The following MCC variants were observed in gnomAD, a reference collection of about 807,000 sequenced individuals.
The protein encoded by MCC is colorectal mutant cancer protein.
Under a neutral mutation model 116.2 loss-of-function variants are expected in MCC, and 90 were observed. The observed-to-expected ratio is 0.77, with a 90% confidence interval of 0.65 to 0.92. The LOEUF is 0.92. MCC is among the 40% of genes least tolerant of loss of function. MCC has a pLI of 0.00. For missense variants in MCC, 1,516 were observed against 1,312.2 expected, an observed-to-expected ratio of 1.16 and a Z score of -2.40; for synonymous variants, 578 against 510.5, an observed-to-expected ratio of 1.13 and a Z score of -1.78.
intron 1 of MCC, among the ~76,000 whole-genome samples, chr5:113,409,691 C>A (rs1769927651): frequency 6.6e-6 from 1 of 152,120 alleles, no homozygotes; most frequent in Non-Finnish European, 1.5e-5. Flanking sequence ...TAGGATAATT[C>A]TTACCAATTA....
intron 11 of MCC, among the ~76,000 whole-genome samples, chr5:113,072,203 G>T (rs1008968641): frequency 6.6e-6 from 1 of 152,176 alleles, no homozygotes; most frequent in East Asian, 1.9e-4. Context: ...AATGTTAAGG[G>T]GTTTGGAAGC....
intron 6 of MCC, among the ~76,000 whole-genome samples, chr5:113,105,003 C>T (rs892429530): frequency 2.6e-5 from 4 of 152,130 alleles, no homozygotes; most frequent in African/African-American, 4.8e-5. Context: ...TGCTTTGAAC[C>T]GCTGGACATC....
chr5:113,361,118 C>G (rs886568004), intron 2 of MCC, among the ~76,000 whole-genome samples: 1 of 152,126 alleles, frequency 6.6e-6, no homozygotes, highest in African/African-American at 2.4e-5. Context: ...TATTGGATTG[C>G]CTGTTTAGCA....
chr5:113,375,757 A>C (rs1370528307), intron 2 of MCC, among the ~76,000 whole-genome samples: 1 of 152,202 alleles, frequency 6.6e-6, no homozygotes, highest in Non-Finnish European at 1.5e-5. Context: ...CAAGACATGA[A>C]TGAAGAAGCT....
At position 113,351,640 on chromosome 5, in the gene MCC, CA is replaced by C. The variant is rs1365773315; in HGVS notation, c.416-10911del. Among the ~76,000 whole-genome samples, 5 of 152,190 alleles carry C rather than the reference CA, an allele frequency of 3.3e-5. No individual in the cohort carries two copies. The East Asian group carries it at 9.6e-4, about 29-fold the overall frequency. ...TAAGACCTACTGTTTGCTAGCAGAA[CA>C]GGGGGACTGTACTCAATAATTTAAT... On this transcript the variant is annotated intron_variant, in intron 2 of 18. Coordinates refer to ENST00000408903, the MANE Select transcript of MCC (RefSeq NM_001085377.2).
intron 2 of MCC, among the ~76,000 whole-genome samples, chr5:113,354,444 T>C (rs1768359135): frequency 6.6e-6 from 1 of 150,548 alleles, no homozygotes; most frequent in South Asian, 2.1e-4. Context: ...TTTTTCTTTT[T>C]TTTTTTCTGA....
intron 3 of MCC, among the ~76,000 whole-genome samples, chr5:113,151,758 G>A (rs1759890494): frequency 6.6e-6 from 1 of 152,170 alleles, no homozygotes; most frequent in South Asian, 2.1e-4. Context: ...GGAGCTGCCT[G>A]ATTCTAATCA....
At chr5:113,134,107 T>A (rs1398643444) in intron 5 of MCC, among the ~76,000 whole-genome samples, 1 of 152,258 alleles carries the variant, frequency 6.6e-6, no homozygotes, top group Non-Finnish European at 1.5e-5. Flanking sequence ...AGTTTTGCTA[T>A]CATTGCCTAT....
At chr5:113,454,224 C>T (rs1771478906) in intron 1 of MCC, among the ~76,000 whole-genome samples, 1 of 152,200 alleles carries the variant, frequency 6.6e-6, no homozygotes, top group Non-Finnish European at 1.5e-5. Context: ...CCCGTCTCAG[C>T]CTCCTTAGTA....
intron 14 of MCC, among the ~76,000 whole-genome samples, chr5:113,060,643 A>G (rs1753151644): frequency 6.6e-6 from 1 of 152,232 alleles, no homozygotes; most frequent in Non-Finnish European, 1.5e-5. Context: ...ACAAACATAC[A>G]GTTCTTTTGA....
At chr5:113,411,560 A>AT (rs368899898) in intron 1 of MCC, among the ~76,000 whole-genome samples, 25,539 of 149,640 alleles carry the variant, frequency 0.17, 2,775 homozygotes, top group African/African-American at 0.3. Context: ...TTCAGGAGCG[A>AT]TTTTTTTTTT....
chr5:113,459,194 G>T (rs937994307), intron 1 of MCC, among the ~76,000 whole-genome samples: 1 of 149,274 alleles, frequency 6.7e-6, no homozygotes, highest in Non-Finnish European at 1.5e-5. Flanking sequence ...GGGTGGGGGG[G>T]GGAGAGAGAG....
chr5:113,413,811 T>C (rs975060727), intron 1 of MCC, among the ~76,000 whole-genome samples: 2 of 152,204 alleles, frequency 1.3e-5, no homozygotes, highest in Non-Finnish European at 2.9e-5. Context: ...TGGCTTCTGC[T>C]AGCTTTTGAA....
chr5:113,272,561 T>G (rs1404037950), intron 3 of MCC, among the ~76,000 whole-genome samples: 1 of 152,224 alleles, frequency 6.6e-6, no homozygotes, highest in African/African-American at 2.4e-5. Context: ...AAAATATCAT[T>G]ATTTCTTTCT....
At chr5:113,473,116 G>C (rs750554846) in intron 1 of MCC, among the ~76,000 whole-genome samples, 1 of 152,124 alleles carries the variant, frequency 6.6e-6, no homozygotes, top group African/African-American at 2.4e-5. Context: ...ACTTCTAAAT[G>C]TTAGTTTACT....
At chr5:113,228,204 T>C (rs1487260291) in intron 3 of MCC, among the ~76,000 whole-genome samples, 1 of 152,188 alleles carries the variant, frequency 6.6e-6, no homozygotes. Context: ...CCCACCAAAA[T>C]TCGTGTTGAG....
chr5:113,370,727 A>C (rs1337977387), intron 2 of MCC, among the ~76,000 whole-genome samples: 1 of 152,200 alleles, frequency 6.6e-6, no homozygotes, highest in Non-Finnish European at 1.5e-5. Context: ...TATTTCAAAA[A>C]AGCAAAACCA....
chr5:113,061,630 C>G (rs1454037351), intron 14 of MCC, among the ~76,000 whole-genome samples: 1 of 152,144 alleles, frequency 6.6e-6, no homozygotes, highest in Non-Finnish European at 1.5e-5. Context: ...GTTAACTACC[C>G]CTCTGCTGCT....
chr5:113,159,139 C>T (rs552547330), intron 3 of MCC, among the ~76,000 whole-genome samples: 18 of 152,254 alleles, frequency 1.2e-4, no homozygotes, highest in Non-Finnish European at 2.4e-4. Flanking sequence ...TTCTCTTTGT[C>T]CTTTCTGTGC....
Sources: gnomAD v4.1 joint callset for allele counts (sites outside exome capture counted in the v4.1 genomes callset) on GRCh38, gnomAD v4.1.1 for gene constraint, MANE v1.5 for transcripts, NCBI Gene and HGNC (gene_info 2026-07-23, HGNC 2026-07-21) for gene names.